The following HDAC9 variants were observed in gnomAD, a reference collection of about 807,000 sequenced individuals.
The protein encoded by HDAC9 is histone deacetylase 9.
In HDAC9, 41 loss-of-function variants were observed where a neutral mutation model predicts 139.4. The observed-to-expected ratio is 0.29, with a 90% CI of 0.23 to 0.38. The LOEUF is 0.38. HDAC9 is among the 10% of genes least tolerant of loss of function. The probability of loss-of-function intolerance (pLI) is 1.00; values close to 1 mark genes in which losing one functional copy is unlikely to be tolerated. For synonymous variants in HDAC9, 517 were observed against 476.2 expected (o/e 1.09, Z -1.12); for missense variants, 1,147 against 1,297.0 (o/e 0.88, Z 1.78).
chr7:18,414,038 A>C (rs1317305761), intron 1 of HDAC9, among the ~76,000 whole-genome samples: 1 of 152,204 alleles, frequency 6.6e-6, no homozygotes. Flanking sequence ...AGAAGGCCAG[A>C]GGGAAGAAAT....
chr7:18,701,402 A>C (rs913989000), intron 12 of HDAC9, among the ~76,000 whole-genome samples: 11 of 126,460 alleles, frequency 8.7e-5, no homozygotes, highest in African/African-American at 2.0e-4. Context: ...TGATTTAAAA[A>C]AAAACAAAAC....
At chr7:18,132,386 C>CT (rs1294780882) in intron 1 of HDAC9, among the ~76,000 whole-genome samples, 4 of 152,024 alleles carry the variant, frequency 2.6e-5, no homozygotes, top group African/African-American at 9.7e-5. Context: ...TGATTGAAGT[C>CT]TTTTTTTCTT....
intron 1 of HDAC9, among the ~76,000 whole-genome samples, chr7:18,126,371 T>A (rs111461320): frequency 1.3e-5 from 2 of 152,132 alleles, no homozygotes; most frequent in African/African-American, 2.4e-5. Flanking sequence ...GAGCACGTGT[T>A]TTTTCTGAGT....
At chr7:18,650,131 A>G (rs757035275) in intron 11 of HDAC9, among the ~76,000 whole-genome samples, 7 of 152,160 alleles carry the variant, frequency 4.6e-5, no homozygotes, top group Non-Finnish European at 1.0e-4. Flanking sequence ...TGTTTTCTAT[A>G]TTATGGTAGA....
chr7:18,514,505 C>T (rs959736170), intron 2 of HDAC9, among the ~76,000 whole-genome samples: 4 of 152,146 alleles, frequency 2.6e-5, no homozygotes, highest in Non-Finnish European at 5.9e-5. Flanking sequence ...TTCAGTTAAG[C>T]ACAATAACAG....
chr7:18,935,245 T>C (rs1781546095), intron 22 of HDAC9, among the ~76,000 whole-genome samples: 1 of 152,180 alleles, frequency 6.6e-6, no homozygotes, highest in African/African-American at 2.4e-5. Flanking sequence ...TATTGTATTT[T>C]ATAACTCGTA....
chr7:18,285,494 G>A (rs1346603642), upstream of HDAC9, among the ~76,000 whole-genome samples: 1 of 151,878 alleles, frequency 6.6e-6, no homozygotes, highest in Non-Finnish European at 1.5e-5. Flanking sequence ...CCTAGAAATA[G>A]AATCACTCTT....
intron 2 of HDAC9, among the ~76,000 whole-genome samples, chr7:18,235,593 A>G (rs1391871957): frequency 2.0e-5 from 3 of 152,202 alleles, no homozygotes; most frequent in East Asian, 1.9e-4. Flanking sequence ...TAAACTTTTA[A>G]CCACTTAGGC....
At chr7:18,788,209 AC>A (rs1277123698) in intron 16 of HDAC9, among the ~76,000 whole-genome samples, 12 of 152,118 alleles carry the variant, frequency 7.9e-5, no homozygotes, top group Admixed American at 7.2e-4. Context: ...CCTTTGGCTC[AC>A]ATTGGTAATG....
chr7:18,550,907 G>T (rs1816903071), intron 2 of HDAC9, among the ~76,000 whole-genome samples: 1 of 152,126 alleles, frequency 6.6e-6, no homozygotes. Flanking sequence ...TTCAGCAGAA[G>T]ACCACATGAT....
At chr7:18,388,175 A>G (rs184342121) in intron 1 of HDAC9, among the ~76,000 whole-genome samples, 23 of 152,312 alleles carry the variant, frequency 1.5e-4, no homozygotes, top group Middle Eastern at 3.4e-3. Flanking sequence ...ACACCCTGCT[A>G]TATTTGTACG....
intron 1 of HDAC9, among the ~76,000 whole-genome samples, chr7:18,317,094 A>T (rs960549247): frequency 1.6e-5 from 2 of 127,612 alleles, no homozygotes; most frequent in Non-Finnish European, 3.2e-5. Flanking sequence ...ACTCTGTCTC[A>T]AAATAAATAA....
chr7:18,647,430 C>T (rs1274754955), intron 9 of HDAC9, among the ~76,000 whole-genome samples: 3 of 152,074 alleles, frequency 2.0e-5, no homozygotes, highest in African/African-American at 7.2e-5. Context: ...GAAATTTTCA[C>T]ATGTACAATA....
intron 1 of HDAC9, among the ~76,000 whole-genome samples, chr7:18,469,517 G>T (rs1352192290): frequency 6.6e-6 from 1 of 152,090 alleles, no homozygotes; most frequent in Non-Finnish European, 1.5e-5. Flanking sequence ...ATCTAACAGG[G>T]AGCTTAACAG....
intron 12 of HDAC9, among the ~76,000 whole-genome samples, chr7:18,671,539 A>G (rs1032907474): frequency 6.6e-6 from 1 of 151,926 alleles, no homozygotes; most frequent in Non-Finnish European, 1.5e-5. Flanking sequence ...ATTTTTGTAT[A>G]TTGTTCTCGG....
At chr7:18,145,703 C>T (rs1011294614) in intron 1 of HDAC9, among the ~76,000 whole-genome samples, 2 of 152,038 alleles carry the variant, frequency 1.3e-5, no homozygotes, top group African/African-American at 4.8e-5. Context: ...TAAGGAACAT[C>T]TTTTAAATGT....
chr7:18,419,837 G>A lies in HDAC9; in HGVS notation c.-41-76425G>A, dbSNP rs560005419. Reference sequence around the variant, plus strand: ...AAATAGCTGCAAGGATATGTCACTGGGTAGGTTCATTAAAAATTACAAGCA... The same window carrying A: ...AAATAGCTGCAAGGATATGTCACTGAGTAGGTTCATTAAAAATTACAAGCA... On this transcript the variant is annotated intron_variant, in intron 1 of 3. Coordinates refer to the HDAC9 transcript ENST00000413509. Among the ~76,000 whole-genome samples the A allele has an allele frequency of 3.3e-5, 5 of 152,092 alleles. No homozygotes were observed. The East Asian group carries it at 9.7e-4, about 29-fold the overall frequency.
intron 2 of HDAC9, among the ~76,000 whole-genome samples, chr7:18,269,367 C>T (rs951046569): frequency 6.6e-6 from 1 of 152,050 alleles, no homozygotes; most frequent in Non-Finnish European, 1.5e-5. Context: ...ATTTTCCAAG[C>T]AATTGAGCAG....
chr7:18,823,805 C>T (rs1035123936), intron 17 of HDAC9, among the ~76,000 whole-genome samples: 1 of 151,784 alleles, frequency 6.6e-6, no homozygotes, highest in African/African-American at 2.4e-5. Context: ...AGAGCAAAAC[C>T]CCATCTTCAC....
Sources: gnomAD v4.1 joint callset for allele counts (sites outside exome capture counted in the v4.1 genomes callset) on GRCh38, gnomAD v4.1.1 for gene constraint, MANE v1.5 for transcripts, NCBI Gene and HGNC (gene_info 2026-07-23, HGNC 2026-07-21) for gene names.